Variants in C12orf42 observed in about 807,000 individuals in gnomAD.
C12orf42 encodes chromosome 12 open reading frame 42, also known as uncharacterized protein C12orf42.
C12orf42 carries 25 observed loss-of-function variants against 21.6 expected under a neutral mutation model. The ratio of observed to expected loss-of-function variants is 1.16; its 90% CI spans 0.84 to 1.62. The LOEUF is 1.62. Ranked by LOEUF, C12orf42 falls within the 40% of genes most tolerant of loss-of-function variation. The pLI is 0.00. For synonymous variants in C12orf42, 174 were observed against 175.0 expected (o/e 0.99, Z 0.05); for missense variants, 483 against 459.3 (o/e 1.05, Z -0.47).
intron 4 of C12orf42, among the ~76,000 whole-genome samples, chr12:103,286,515 G>A (rs1411952414): frequency 6.6e-6 from 1 of 151,292 alleles, no homozygotes; most frequent in East Asian, 1.9e-4. Context: ...TTAATGTGAG[G>A]TATGTATCAA....
chr12:103,434,726 G>C (rs1158483898), intron 2 of C12orf42, among the ~76,000 whole-genome samples: 2 of 152,226 alleles, frequency 1.3e-5, no homozygotes, highest in Admixed American at 6.5e-5. Context: ...GAGATTATAT[G>C]CCGCACCTGG....
chr12:103,324,934 T>C (rs1051438749), intron 4 of C12orf42, among the ~76,000 whole-genome samples: 6 of 152,290 alleles, frequency 3.9e-5, no homozygotes, highest in African/African-American at 1.2e-4. Flanking sequence ...TTTGCAGAAA[T>C]TATTGGTGAA....
At chr12:103,150,248 G>C in the C12orf42 span, among the ~76,000 whole-genome samples, 2 of 152,078 alleles carry the variant, frequency 1.3e-5, no homozygotes, top group Non-Finnish European at 2.9e-5. Context: ...TTAGGCACTA[G>C]GGATACAAAT....
intron 3 of C12orf42, among the ~76,000 whole-genome samples, chr12:103,376,474 G>T (rs2045706665): frequency 6.6e-6 from 1 of 152,110 alleles, no homozygotes; most frequent in African/African-American, 2.4e-5. Context: ...TTAAAACCTA[G>T]ATGATAGGTT....
the C12orf42 span, among the ~76,000 whole-genome samples, chr12:103,067,230 T>A: frequency 6.6e-6 from 1 of 152,230 alleles, no homozygotes; most frequent in South Asian, 2.1e-4. Context: ...CTGCACCCAA[T>A]GCTTCTGCGA....
At chr12:103,232,295 T>G in the C12orf42 span, among the ~76,000 whole-genome samples, 2 of 152,180 alleles carry the variant, frequency 1.3e-5, no homozygotes, top group African/African-American at 4.8e-5. Flanking sequence ...CACAGTAGAA[T>G]TTTTTTATAT....
At chr12:103,184,580 T>C in the C12orf42 span, among the ~76,000 whole-genome samples, 1 of 152,140 alleles carries the variant, frequency 6.6e-6, no homozygotes, top group Non-Finnish European at 1.5e-5. Context: ...TGTAGTGCTC[T>C]GTATATGAGA....
intron 10 of C12orf42, among the ~76,000 whole-genome samples, chr12:103,258,154 C>A (rs2034706777): frequency 6.6e-6 from 1 of 152,040 alleles, no homozygotes; most frequent in Admixed American, 6.6e-5. Flanking sequence ...CATCAACATT[C>A]AAGACTACAT....
Position 103,385,033 on chromosome 12 carries a change from C to T in C12orf42, c.148-16035G>A, listed in dbSNP as rs111229716. Among the ~76,000 whole-genome samples the T allele has an allele frequency of 7.2e-5, 11 of 152,216 alleles. 1 individual carries two copies. Among genetic ancestry groups the T allele is most frequent in the Admixed American group, 2.6e-4 (4 of 15,280 alleles). ...ACCAATAATTTCAGGTAAAAATGCT[C>T]GTCAAGCCTCCACTTTGTATTTTAT... On this transcript the variant is annotated intron_variant, in intron 3 of 5. Transcript: ENST00000548883.
chr12:103,156,686 T>C, the C12orf42 span, among the ~76,000 whole-genome samples: 2 of 152,186 alleles, frequency 1.3e-5, no homozygotes, highest in African/African-American at 4.8e-5. Flanking sequence ...CCATGTGTTC[T>C]CATTGTTCAA....
chr12:103,381,643 G>T (rs2046183062), intron 3 of C12orf42, among the ~76,000 whole-genome samples: 1 of 152,158 alleles, frequency 6.6e-6, no homozygotes, highest in Admixed American at 6.5e-5. Flanking sequence ...CTTGGGCCGG[G>T]TTGGTGGCTC....
chr12:103,107,803 T>C, the C12orf42 span, among the ~76,000 whole-genome samples: 3 of 151,592 alleles, frequency 2.0e-5, no homozygotes, highest in Non-Finnish European at 4.4e-5. Context: ...AGCTTTTCTA[T>C]TGAAAAGACT....
chr12:103,457,267 A>G (rs1386340699), intron 2 of C12orf42, among the ~76,000 whole-genome samples: 4 of 152,220 alleles, frequency 2.6e-5, no homozygotes, highest in Non-Finnish European at 5.9e-5. Context: ...GATATAACCG[A>G]ATTTCTGTAT....
chr12:103,513,036 C>G, the C12orf42 span, among the ~76,000 whole-genome samples: 1 of 151,934 alleles, frequency 6.6e-6, no homozygotes, highest in Non-Finnish European at 1.5e-5. Flanking sequence ...TAGACACCCA[C>G]TCCTCTGCCA....
At chr12:103,077,547 C>T in the C12orf42 span, among the ~76,000 whole-genome samples, 1 of 152,146 alleles carries the variant, frequency 6.6e-6, no homozygotes, top group Non-Finnish European at 1.5e-5. Flanking sequence ...GACCCCCAGA[C>T]CCTGTGCTGG....
the C12orf42 span, among the ~76,000 whole-genome samples, chr12:103,099,099 T>A: frequency 6.6e-6 from 1 of 152,236 alleles, no homozygotes; most frequent in Admixed American, 6.5e-5. Context: ...CATAAATATT[T>A]GATCTGGAAG....
chr12:103,314,481 G>A (rs1373425290), intron 4 of C12orf42, among the ~76,000 whole-genome samples: 1 of 152,194 alleles, frequency 6.6e-6, no homozygotes, highest in South Asian at 2.1e-4. Context: ...TTGATGAGCT[G>A]TAGGAGGCTA....
chr12:103,390,471 C>A (rs554694568), intron 3 of C12orf42, among the ~76,000 whole-genome samples: 9 of 152,292 alleles, frequency 5.9e-5, no homozygotes, highest in Admixed American at 5.9e-4. Context: ...TACTTTCTCC[C>A]CAGCCCCTGG....
At chr12:103,319,223 A>C (rs2039837281) in intron 4 of C12orf42, among the ~76,000 whole-genome samples, 1 of 152,260 alleles carries the variant, frequency 6.6e-6, no homozygotes, top group Admixed American at 6.5e-5. Context: ...CACTGTGTTT[A>C]TTCTTTAAGA....
Sources: allele counts gnomAD v4.1 joint callset (sites outside exome capture counted in the v4.1 genomes callset), GRCh38; gene constraint gnomAD v4.1.1; transcripts MANE v1.5; gene names NCBI Gene and HGNC (gene_info 2026-07-23, HGNC 2026-07-21).